FGGY: variants seen among roughly 807,000 people sequenced by gnomAD.
FGGY encodes the protein FGGY carbohydrate kinase domain containing, also known as FGGY carbohydrate kinase domain-containing protein.
Under a neutral mutation model 71.3 loss-of-function variants are expected in FGGY, and 72 were observed. The observed-to-expected ratio is 1.01, with a 90% CI of 0.84 to 1.23. The LOEUF is 1.23. Among genes scored for constraint, FGGY ranks in the 50% most tolerant of loss-of-function variants. The pLI is 0.00. For missense variants in FGGY, 668 were observed against 682.3 expected (o/e 0.98, Z 0.23); for synonymous variants, 251 against 250.3 (o/e 1.00, Z -0.02).
chr1:59,547,203 G>A (rs1022572819), intron 7 of FGGY, among the ~76,000 whole-genome samples: 51 of 151,882 alleles, frequency 3.4e-4, no homozygotes, highest in African/African-American at 1.2e-3. Context: ...CACCTGCCTC[G>A]GCCTCCCAAA....
At chr1:59,327,576 A>C (rs541878251) in intron 2 of FGGY, among the ~76,000 whole-genome samples, 16 of 152,320 alleles carry the variant, frequency 1.1e-4, no homozygotes, top group African/African-American at 3.8e-4. Context: ...ATTCCTGTTA[A>C]TGTTGATATT....
chr1:59,549,282 T>C (rs1173887794), intron 7 of FGGY, among the ~76,000 whole-genome samples: 2 of 152,196 alleles, frequency 1.3e-5, no homozygotes, highest in African/African-American at 4.8e-5. Flanking sequence ...CATCAGTCAG[T>C]TCATTCATCC....
intron 9 of FGGY, among the ~76,000 whole-genome samples, chr1:59,618,101 C>A (rs547272293): frequency 1.3e-5 from 2 of 152,040 alleles, no homozygotes. Context: ...TTCCACTGGG[C>A]CAGCCAAGAA....
At chr1:59,757,503 A>C (rs1162347489) in intron 14 of FGGY, among the ~76,000 whole-genome samples, 1 of 152,224 alleles carries the variant, frequency 6.6e-6, no homozygotes, top group Non-Finnish European at 1.5e-5. Flanking sequence ...TACAGGTGCG[A>C]AGTGAGTTCC....
intron 5 of FGGY, among the ~76,000 whole-genome samples, chr1:59,443,349 C>G (rs2070415186): frequency 6.6e-6 from 1 of 152,176 alleles, no homozygotes; most frequent in African/African-American, 2.4e-5. Context: ...TCAGTCTGCT[C>G]TCTTTCATCC....
intron 8 of FGGY, among the ~76,000 whole-genome samples, chr1:59,585,904 C>T (rs1294695307): frequency 6.6e-6 from 1 of 152,140 alleles, no homozygotes; most frequent in Non-Finnish European, 1.5e-5. Flanking sequence ...CCAAAAGGCA[C>T]ATGAAAAAAT....
chr1:59,300,264 T>C (rs991217147), intron 1 of FGGY, among the ~76,000 whole-genome samples: 2 of 152,222 alleles, frequency 1.3e-5, no homozygotes, highest in African/African-American at 4.8e-5. Flanking sequence ...GCTTGTGCCC[T>C]TTTTAATTCC....
At chr1:59,329,992 A>G (rs974569881) in intron 2 of FGGY, among the ~76,000 whole-genome samples, 5 of 152,136 alleles carry the variant, frequency 3.3e-5, no homozygotes, top group Non-Finnish European at 5.9e-5. Flanking sequence ...AGGAAGGAGC[A>G]TTTTCTCTAC....
chr1:59,761,210 T>C (rs981617834), intron 15 of FGGY, among the ~76,000 whole-genome samples: 3 of 152,192 alleles, frequency 2.0e-5, no homozygotes, highest in Admixed American at 2.0e-4. Flanking sequence ...ACACAGCTAA[T>C]GTTAGGCCAC....
chr1:59,394,770 C>T (rs2061123633), intron 5 of FGGY, among the ~76,000 whole-genome samples: 1 of 152,220 alleles, frequency 6.6e-6, no homozygotes, highest in Non-Finnish European at 1.5e-5. Flanking sequence ...CCATCTTCAA[C>T]CCTTATCCAG....
At chr1:59,472,192 G>A (rs2092981743) in intron 6 of FGGY, among the ~76,000 whole-genome samples, 1 of 152,242 alleles carries the variant, frequency 6.6e-6, no homozygotes, top group South Asian at 2.1e-4. Flanking sequence ...GTTCCGGGTG[G>A]GTGTGGGCTC....
intron 5 of FGGY, among the ~76,000 whole-genome samples, chr1:59,383,695 A>G (rs1408697550): frequency 6.6e-6 from 1 of 152,204 alleles, no homozygotes; most frequent in African/African-American, 2.4e-5. Flanking sequence ...CTTGGTCTCC[A>G]CAACTCCTTA....
At chr1:59,496,686 TA>T (rs79791800) in intron 6 of FGGY, among the ~76,000 whole-genome samples, 7,623 of 150,970 alleles carry the variant, frequency 0.05, 237 homozygotes, top group East Asian at 0.13. Context: ...AAATAAAAGT[TA>T]AAAAAAAATA....
intron 7 of FGGY, among the ~76,000 whole-genome samples, chr1:59,534,967 A>C (rs1277557998): frequency 2.0e-5 from 3 of 151,926 alleles, no homozygotes; most frequent in Non-Finnish European, 4.4e-5. Flanking sequence ...ACAGGAACAA[A>C]TTCACACATA....
intron 5 of FGGY, among the ~76,000 whole-genome samples, chr1:59,445,363 T>C (rs1415631052): frequency 3.3e-5 from 5 of 152,224 alleles, no homozygotes; most frequent in African/African-American, 1.2e-4. Context: ...CTGCTGCTGC[T>C]TCTTTTTCTA....
At chr1:59,622,752 T>C (rs1572227170) in intron 9 of FGGY, among the ~76,000 whole-genome samples, 1 of 152,288 alleles carries the variant, frequency 6.6e-6, no homozygotes, top group East Asian at 1.9e-4. Context: ...TGTATTTCTA[T>C]CTGAGTATTA....
intron 4 of FGGY, among the ~76,000 whole-genome samples, chr1:59,351,397 T>C (rs1171782517): frequency 6.6e-6 from 1 of 152,250 alleles, no homozygotes; most frequent in Non-Finnish European, 1.5e-5. Flanking sequence ...AAGCCTTTCC[T>C]GATCCTCAAA....
intron 7 of FGGY, among the ~76,000 whole-genome samples, chr1:59,517,146 A>C (rs1426110243): frequency 1.3e-5 from 2 of 152,044 alleles, no homozygotes; most frequent in Non-Finnish European, 2.9e-5. Flanking sequence ...AGCTTATAAA[A>C]ATAACATTAA....
chr1:59,378,613 C>A (rs756022187), intron 4 of FGGY, 136 bp from the exon 5 acceptor site: 3 of 643,776 alleles, frequency 4.7e-6, no homozygotes, highest in East Asian at 5.7e-5. Flanking sequence ...TATTCCTACC[C>A]CCACCAAGCT....
Sources: gnomAD v4.1 joint callset for allele counts (sites outside exome capture counted in the v4.1 genomes callset) on GRCh38, gnomAD v4.1.1 for gene constraint, MANE v1.5 for transcripts, NCBI Gene and HGNC (gene_info 2026-07-23, HGNC 2026-07-21) for gene names.